TDRD7: variants seen among roughly 807,000 people sequenced by gnomAD.
TDRD7 encodes tudor domain containing 7.
TDRD7 carries 47 observed loss-of-function variants against 109.8 expected under a neutral mutation model. The observed-to-expected ratio is 0.43, with a 90% CI of 0.34 to 0.55. The LOEUF is 0.55. Among genes scored for constraint, TDRD7 ranks in the 20% least tolerant of loss-of-function variants. TDRD7 has a pLI of 0.03. For synonymous variants in TDRD7, 424 were observed against 457.3 expected (o/e 0.93, Z 0.93); for missense variants, 1,164 against 1,319.2 (o/e 0.88, Z 1.82).
intron 10 of TDRD7, among the ~76,000 whole-genome samples, chr9:97,473,042 G>A (rs961868379): frequency 1.3e-5 from 2 of 152,048 alleles, no homozygotes; most frequent in Non-Finnish European, 1.5e-5. Context: ...CTTTGATTAT[G>A]GTTTTTTAAA....
Position 97,475,395 on chromosome 9 carries a change from G to C in TDRD7, c.2092G>C (p.Glu698Gln), listed in dbSNP as rs762022951. Reference sequence around the variant, plus strand: ...TTCTGTTTTGCAGCACATGACCTCTGAGTGCTTTGTTTCATTACCCTTCTG... The same window carrying C: ...TTCTGTTTTGCAGCACATGACCTCTCAGTGCTTTGTTTCATTACCCTTCTG... ...DYFHCKHMTS[E>Q]CFVSLPFCGK... is the part of the protein sequence containing the mutation. Residue 698 changes from glutamate (E) to glutamine (Q), a missense_variant, in exon 12 of 17, where the codon GAG becomes CAG. By Grantham distance (29) the Glu-to-Gln change is conservative. Transcript: ENST00000355295. 1.2e-6 allele frequency: 2 copies of C among 1,613,368 alleles called. No individual in the cohort carries two copies. Among genetic ancestry groups the C allele is most frequent in the Non-Finnish European group, 1.7e-6 (2 of 1,179,484 alleles).
chr9:97,484,504 A>G (rs1016503290), intron 15 of TDRD7, among the ~76,000 whole-genome samples: 1 of 151,594 alleles, frequency 6.6e-6, no homozygotes, highest in Admixed American at 6.6e-5. Context: ...CCCAAAACTC[A>G]GTTTAAAAGG....
At chr9:97,495,265 T>C (rs1412017877) in intron 16 of TDRD7, among the ~76,000 whole-genome samples, 3 of 152,248 alleles carry the variant, frequency 2.0e-5, no homozygotes, top group Non-Finnish European at 4.4e-5. Context: ...AATAATTCTT[T>C]TTTTTTATGA....
At chr9:97,480,737 C>A in intron 13 of TDRD7, 91 bp from the exon 14 acceptor site, 2 of 1,066,014 alleles carry the variant, frequency 1.9e-6, no homozygotes, top group Non-Finnish European at 2.9e-6. Context: ...ATCTTGGTAC[C>A]ATTTGATTTG....
chr9:97,420,372 G>A (rs867524363), intron 1 of TDRD7, among the ~76,000 whole-genome samples: 1 of 129,724 alleles, frequency 7.7e-6, no homozygotes, highest in African/African-American at 2.8e-5. Context: ...TTTGGGGGGG[G>A]CGGGTGGGGG....
intron 4 of TDRD7, among the ~76,000 whole-genome samples, chr9:97,434,564 A>G (rs1244685414): frequency 6.6e-6 from 1 of 152,162 alleles, no homozygotes; most frequent in African/African-American, 2.4e-5. Context: ...TCCACAGTGT[A>G]CACGTATCAA....
chr9:97,439,299 C>T lies in TDRD7; in HGVS notation c.618C>T (p.Thr206=). Residue 206 remains threonine, a synonymous_variant, in exon 5 of 17, where the codon ACC becomes ACT. Coordinates refer to ENST00000355295, the MANE Select transcript of TDRD7 (RefSeq NM_014290.3). The part of the protein sequence containing the change: ...QPPLQMHLSR[T]STKEMSDNLN... ...CTTTGCAGATGCATCTCTCAAGAACCTCTACTAAGGAAATGAGTGGTATGT... is the reference window on the plus strand; with the variant it reads ...CTTTGCAGATGCATCTCTCAAGAACTTCTACTAAGGAAATGAGTGGTATGT... 1 of 1,603,244 alleles carries T rather than the reference C, an allele frequency of 6.2e-7. No individual in the cohort carries two copies. Among genetic ancestry groups the T allele is most frequent in the African/African-American group, 1.3e-5 (1 of 74,862 alleles).
intron 5 of TDRD7, among the ~76,000 whole-genome samples, chr9:97,441,053 CT>C (rs2118362273): frequency 6.6e-6 from 1 of 152,162 alleles, no homozygotes; most frequent in Non-Finnish European, 1.5e-5. Flanking sequence ...GGTTCCAAAC[CT>C]TTTATGTTTA....
chr9:97,454,322 T>C (rs1828563211), intron 6 of TDRD7, among the ~76,000 whole-genome samples: 1 of 151,858 alleles, frequency 6.6e-6, no homozygotes, highest in East Asian at 1.9e-4. Context: ...CTACTAAAAA[T>C]ACAAAAAATT....
chr9:97,474,007 A>G (rs1828966919), intron 11 of TDRD7, among the ~76,000 whole-genome samples: 1 of 152,184 alleles, frequency 6.6e-6, no homozygotes. Flanking sequence ...TTAGGCAAGG[A>G]GAAACCTTGG....
intron 16 of TDRD7, among the ~76,000 whole-genome samples, chr9:97,492,279 C>T (rs1381106554): frequency 2.6e-5 from 4 of 152,198 alleles, no homozygotes. Context: ...CTTCATTGAA[C>T]TCTCCCCATG....
chr9:97,460,375 A>G lies in TDRD7; in HGVS notation c.1053A>G (p.Lys351=). 1 of 1,614,188 alleles carries G rather than the reference A, an allele frequency of 6.2e-7. No homozygotes were observed. Among genetic ancestry groups the G allele is most frequent in the South Asian group, 1.1e-5 (1 of 91,086 alleles). Residue 351 remains lysine, a synonymous_variant, in exon 7 of 17, where the codon AAA becomes AAG. Coordinates refer to ENST00000355295, the MANE Select transcript of TDRD7 (RefSeq NM_014290.3). ...AAAAAGTGGCAGACCTGCTGGTGAA[A>G]TACACAAGTGGCCTTTGGGCCAGTG... ...FKEKVADLLV[K]YTSGLWASAL...
Position 97,460,509 on chromosome 9 carries a change from A to G in TDRD7, c.1187A>G (p.Asn396Ser). Reference protein sequence around the residue: ...DVCSIDYISGNPQKAILYAKL... With the variant: ...DVCSIDYISGSPQKAILYAKL... The stretch of plus-strand genomic sequence containing the variant: ...TGCAGCATAGACTACATTTCTGGAA[A>G]TCCCCAGAAGGCCATTCTCTATGCT... Residue 396 changes from asparagine to serine, a missense_variant, in exon 7 of 17, where the codon AAT becomes AGT. By Grantham distance (46) the Asn-to-Ser change is conservative. Around this residue, in one of 5 missense-constraint regions of TDRD7, gnomAD observed 407 missense variants for 394.0 expected, o/e 1.03. Coordinates refer to ENST00000355295, the MANE Select transcript of TDRD7 (RefSeq NM_014290.3). 1 of 1,614,226 alleles carries G rather than the reference A, an allele frequency of 6.2e-7. No homozygotes were observed. Among genetic ancestry groups the G allele is most frequent in the South Asian group, 1.1e-5 (1 of 91,092 alleles).
intron 6 of TDRD7, among the ~76,000 whole-genome samples, chr9:97,457,568 C>T (rs898507198): frequency 6.6e-6 from 1 of 152,074 alleles, no homozygotes; most frequent in African/African-American, 2.4e-5. Flanking sequence ...TTAGTAGAGA[C>T]AGGATTTCAC....
chr9:97,494,403 G>A (rs1291850059), intron 16 of TDRD7, among the ~76,000 whole-genome samples: 1 of 152,156 alleles, frequency 6.6e-6, no homozygotes, highest in Non-Finnish European at 1.5e-5. Context: ...TAGAAGAAAG[G>A]GAGCCATACT....
intron 1 of TDRD7, among the ~76,000 whole-genome samples, chr9:97,417,025 C>G (rs1198149298): frequency 6.6e-6 from 1 of 151,774 alleles, no homozygotes; most frequent in African/African-American, 2.4e-5. Context: ...AATAGGGTGG[C>G]CAGAGAAGGC....
intron 6 of TDRD7, among the ~76,000 whole-genome samples, chr9:97,446,434 T>G (rs1031914898): frequency 2.0e-5 from 3 of 152,210 alleles, no homozygotes; most frequent in Admixed American, 6.5e-5. Context: ...TAACATTTTG[T>G]GAATGACAAA....
chr9:97,447,934 G>A (rs1019577983), intron 6 of TDRD7, among the ~76,000 whole-genome samples: 4 of 152,244 alleles, frequency 2.6e-5, no homozygotes, highest in Non-Finnish European at 4.4e-5. Context: ...TAATTGCAAT[G>A]TGTGTCTAAA....
At chr9:97,424,630 T>C (rs1160972841) in intron 1 of TDRD7, among the ~76,000 whole-genome samples, 2 of 152,230 alleles carry the variant, frequency 1.3e-5, no homozygotes, top group African/African-American at 2.4e-5. Context: ...TCATAGTGTT[T>C]GCATGGTACA....
Sources: gnomAD v4.1 joint callset for allele counts (sites outside exome capture counted in the v4.1 genomes callset) on GRCh38, gnomAD v4.1.1 for gene constraint, gnomAD v4.1.1 regional missense constraint, MANE v1.5 for transcripts, NCBI Gene and HGNC (gene_info 2026-07-23, HGNC 2026-07-21) for gene names.